The following LDLRAD3 variants were observed in gnomAD, a reference collection of about 807,000 sequenced individuals.
LDLRAD3 encodes low density lipoprotein receptor class A domain containing 3, also known as low-density lipoprotein receptor class A domain-containing protein 3.
LDLRAD3 carries 20 observed loss-of-function variants against 29.4 expected under a neutral mutation model. That is an observed-to-expected ratio of 0.68 (90% CI 0.48 to 0.99). LDLRAD3 has a LOEUF of 0.99. LDLRAD3 is among the 50% of genes least tolerant of loss of function. The probability of loss-of-function intolerance (pLI) is 0.00; values close to 1 mark genes in which losing one functional copy is unlikely to be tolerated. For synonymous variants in LDLRAD3, 157 were observed against 192.7 expected (o/e 0.81, Z 1.53); for missense variants, 420 against 454.3 (o/e 0.92, Z 0.69).
At chr11:36,135,268 C>A (rs898449394) in intron 4 of LDLRAD3, among the ~76,000 whole-genome samples, 1 of 152,188 alleles carries the variant, frequency 6.6e-6, no homozygotes, top group Non-Finnish European at 1.5e-5. Context: ...TGGGAAAAGT[C>A]GTGCCTCTGC....
At chr11:35,997,875 G>A (rs1851774997) in intron 1 of LDLRAD3, among the ~76,000 whole-genome samples, 1 of 152,194 alleles carries the variant, frequency 6.6e-6, no homozygotes, top group Non-Finnish European at 1.5e-5. Flanking sequence ...TGGAGTTCAG[G>A]TCTGTCGGAC....
intron 4 of LDLRAD3, among the ~76,000 whole-genome samples, chr11:36,128,738 A>G (rs1176467043): frequency 5.3e-5 from 8 of 151,900 alleles, no homozygotes; most frequent in African/African-American, 1.9e-4. Flanking sequence ...AGTCTCAGCT[A>G]CTCAGGTGGC....
chr11:36,183,707 G>A (rs536585851), intron 4 of LDLRAD3, among the ~76,000 whole-genome samples: 4 of 152,164 alleles, frequency 2.6e-5, no homozygotes, highest in African/African-American at 9.7e-5. Context: ...CTCCAAAGGT[G>A]ATTCTGCACC....
At chr11:36,004,623 C>T (rs1851862050) in intron 1 of LDLRAD3, among the ~76,000 whole-genome samples, 1 of 152,226 alleles carries the variant, frequency 6.6e-6, no homozygotes, top group Non-Finnish European at 1.5e-5. Context: ...CACAGCTCTA[C>T]TAGGCAGTGC....
chr11:36,054,231 A>T (rs1269530151), intron 2 of LDLRAD3, among the ~76,000 whole-genome samples: 3 of 152,216 alleles, frequency 2.0e-5, no homozygotes, highest in Non-Finnish European at 4.4e-5. Flanking sequence ...TAATTCTGCC[A>T]GGATTTTTCT....
chr11:36,208,861 T>C (rs1855245994), intron 4 of LDLRAD3, among the ~76,000 whole-genome samples: 1 of 152,224 alleles, frequency 6.6e-6, no homozygotes, highest in Non-Finnish European at 1.5e-5. Flanking sequence ...GGTGAAAGTT[T>C]AAGCAGAAAC....
In LDLRAD3 at chr11:36,115,029, C is replaced by A. The variant is rs560797171; in HGVS notation, c.454+16568C>A. 3.2e-4 allele frequency among the ~76,000 whole-genome samples: 48 copies of A among 152,270 alleles called. No homozygotes were observed. The South Asian group carries it at 7.1e-3, about 22-fold the overall frequency. ...ATATAAAAGGCGACATGGCCTCTTC[C>A]GTGTCCAGAATACCCCTCTTGAGAG... On this transcript the variant is annotated intron_variant, in intron 4 of 5. Coordinates refer to ENST00000315571, the MANE Select transcript of LDLRAD3 (RefSeq NM_174902.4).
chr11:36,001,701 C>T (rs1456737774), intron 1 of LDLRAD3, among the ~76,000 whole-genome samples: 3 of 151,678 alleles, frequency 2.0e-5, no homozygotes, highest in Non-Finnish European at 2.9e-5. Context: ...TAAAAATCAC[C>T]AGTAATCCTA....
At chr11:36,031,222 C>T (rs568147357) in intron 1 of LDLRAD3, among the ~76,000 whole-genome samples, 5 of 152,134 alleles carry the variant, frequency 3.3e-5, no homozygotes, top group Admixed American at 6.5e-5. Context: ...TAGCCAACTT[C>T]GTGCTAATGC....
rs530069194 is a variant in LDLRAD3 at position 36,148,092 on chromosome 11, A to G, written c.454+49631A>G. 4.6e-5 allele frequency among the ~76,000 whole-genome samples: 7 copies of G among 152,152 alleles called. No homozygotes were observed. In the East Asian group the frequency reaches 1.4e-3, roughly 29 times the overall value. On this transcript the variant is annotated intron_variant, in intron 4 of 5. Coordinates refer to ENST00000315571, the MANE Select transcript of LDLRAD3 (RefSeq NM_174902.4). ...CACCATGTTGGCCAGGCTGGTCTTG[A>G]ACTCCTGACCTCAGTGATCTGCCCA... is the stretch of plus-strand genomic sequence containing the variant.
chr11:36,001,773 G>T (rs200592764), intron 1 of LDLRAD3, among the ~76,000 whole-genome samples: 2 of 146,778 alleles, frequency 1.4e-5, no homozygotes, highest in Non-Finnish European at 3.0e-5. Context: ...GTGTGTGTGT[G>T]TGTGTGTGTG....
intron 1 of LDLRAD3, among the ~76,000 whole-genome samples, chr11:35,983,011 G>A (rs1238310109): frequency 6.6e-6 from 1 of 151,990 alleles, no homozygotes; most frequent in Non-Finnish European, 1.5e-5. Flanking sequence ...GCACCACCAT[G>A]CCTGGCTAAT....
chr11:36,094,567 G>A (rs181630945), intron 3 of LDLRAD3, among the ~76,000 whole-genome samples: 3 of 152,198 alleles, frequency 2.0e-5, no homozygotes, highest in African/African-American at 4.8e-5. Flanking sequence ...ACGGGGTCTC[G>A]CTCTGTCACC....
chr11:35,987,031 A>G (rs1324463698), intron 1 of LDLRAD3, among the ~76,000 whole-genome samples: 1 of 152,208 alleles, frequency 6.6e-6, no homozygotes, highest in Non-Finnish European at 1.5e-5. Context: ...TGAATGAGGC[A>G]TTTAAAATCT....
At chr11:36,125,987 G>A (rs1853830763) in intron 4 of LDLRAD3, among the ~76,000 whole-genome samples, 1 of 152,148 alleles carries the variant, frequency 6.6e-6, no homozygotes, top group African/African-American at 2.4e-5. Flanking sequence ...GGACAAATGA[G>A]GCCGATTTGG....
At chr11:36,071,842 C>T (rs985189354) in intron 2 of LDLRAD3, among the ~76,000 whole-genome samples, 39 of 152,212 alleles carry the variant, frequency 2.6e-4, no homozygotes, top group African/African-American at 9.2e-4. Flanking sequence ...GGCTCCACCC[C>T]AGACCCACTG....
At chr11:36,135,834 CG>C (rs1322743349) in intron 4 of LDLRAD3, among the ~76,000 whole-genome samples, 1 of 152,014 alleles carries the variant, frequency 6.6e-6, no homozygotes, top group Non-Finnish European at 1.5e-5. Flanking sequence ...CGTTTGAACC[CG>C]GGAGGCAGAG....
chr11:35,975,580 T>C (rs1432175952), intron 1 of LDLRAD3, among the ~76,000 whole-genome samples: 1 of 152,176 alleles, frequency 6.6e-6, no homozygotes, highest in Admixed American at 6.5e-5. Flanking sequence ...TCATTATAGA[T>C]TGATTGACCT....
chr11:36,150,803 T>G (rs1213694789), intron 4 of LDLRAD3, among the ~76,000 whole-genome samples: 3 of 151,462 alleles, frequency 2.0e-5, no homozygotes, highest in African/African-American at 7.3e-5. Flanking sequence ...GAAAGAAAGA[T>G]CCCTTGTTGA....
Sources: allele counts gnomAD v4.1 joint callset (sites outside exome capture counted in the v4.1 genomes callset), GRCh38; gene constraint gnomAD v4.1.1; transcripts MANE v1.5; gene names NCBI Gene and HGNC (gene_info 2026-07-23, HGNC 2026-07-21).